Variants in PTPRN2 observed in about 807,000 individuals in gnomAD.
The protein encoded by PTPRN2 is receptor-type tyrosine-protein phosphatase N2.
PTPRN2 carries 74 observed loss-of-function variants against 118.8 expected under a neutral mutation model. The ratio of observed to expected loss-of-function variants is 0.62; its 90% CI spans 0.52 to 0.76. PTPRN2 has a LOEUF of 0.76. Ranked by LOEUF, PTPRN2 falls within the 30% of genes least tolerant of loss-of-function variation. The pLI is 0.00. For missense variants in PTPRN2, 1,481 were observed against 1,394.4 expected, an observed-to-expected ratio of 1.06 and a Z score of -0.99; for synonymous variants, 641 against 608.0, an observed-to-expected ratio of 1.05 and a Z score of -0.80.
intron 2 of PTPRN2, among the ~76,000 whole-genome samples, chr7:158,330,816 A>G (rs141636418): frequency 1.4e-3 from 94 of 66,194 alleles, no homozygotes; most frequent in African/African-American, 3.2e-3. Flanking sequence ...AAGAGCTGAC[A>G]CCCGCAGACG....
intron 11 of PTPRN2, among the ~76,000 whole-genome samples, chr7:158,063,223 T>C (rs889230599): frequency 5.3e-5 from 8 of 152,130 alleles, no homozygotes; most frequent in African/African-American, 7.2e-5. Context: ...AGAACATTTA[T>C]GTCTAGCTAA....
chr7:157,982,005 CAAGGAGGGGAATGCA>C (rs1803204512), intron 11 of PTPRN2, among the ~76,000 whole-genome samples: 2 of 141,502 alleles, frequency 1.4e-5, no homozygotes, highest in Admixed American at 7.2e-5. Context: ...GTCATAGAGA[CAAGGAGGGGAATGCA>C]GAGTGTGGGG....
chr7:157,853,274 C>A (rs1220166395), intron 12 of PTPRN2, among the ~76,000 whole-genome samples: 1 of 152,174 alleles, frequency 6.6e-6, no homozygotes, highest in Non-Finnish European at 1.5e-5. Context: ...GACGGCCGAG[C>A]CGGGCCTGCA....
rs1338820907 is a variant in PTPRN2, at chr7:158,563,628, T to C, written c.112+23930A>G. On this transcript the variant is annotated intron_variant, in intron 1 of 22. Transcript: ENST00000389418. The surrounding 1 kb of genome is among the most constrained non-coding windows in gnomAD (Gnocchi z 5.1). ...TCCTGCAGCTCTCGCCGGGGACATCTGAACATCCTTGTTAGCTCAGGGCAC... is the reference window on the plus strand; with the variant it reads ...TCCTGCAGCTCTCGCCGGGGACATCCGAACATCCTTGTTAGCTCAGGGCAC... Among the ~76,000 whole-genome samples, 1 of 152,250 alleles carries C rather than the reference T, an allele frequency of 6.6e-6. No homozygotes were observed. The highest frequency in any genetic ancestry group is 1.9e-4 in the East Asian group (1 of 5,198).
In PTPRN2 at chr7:157,609,310, G is replaced by T. The variant is rs1193484712; in HGVS notation, c.2345-5235C>A. 1.3e-5 allele frequency among the ~76,000 whole-genome samples: 2 copies of T among 152,204 alleles called. No homozygotes were observed. Among genetic ancestry groups the T allele is most frequent in the African/African-American group, 4.8e-5 (2 of 41,446 alleles). ...AGGCAGGAGAATTGCTTGAACCCGG[G>T]AGGCAGAGGTTGCAGTGAGCTGAGA... On this transcript the variant is annotated intron_variant, in intron 15 of 22. Coordinates refer to ENST00000389418, the MANE Select transcript of PTPRN2 (RefSeq NM_002847.5). The surrounding 1 kb of genome is among the most constrained non-coding windows in gnomAD (Gnocchi z 4.9).
chr7:157,705,629 C>T (rs1033094327), intron 12 of PTPRN2, among the ~76,000 whole-genome samples: 2 of 151,056 alleles, frequency 1.3e-5, no homozygotes, highest in African/African-American at 4.9e-5. Flanking sequence ...GTGAATCTGA[C>T]CTCAGTGCCT....
At chr7:158,420,003 T>C (rs567060498) in intron 2 of PTPRN2, among the ~76,000 whole-genome samples, 2 of 152,162 alleles carry the variant, frequency 1.3e-5, no homozygotes, top group Admixed American at 6.5e-5. Context: ...AACTCTGTCA[T>C]GTTGGCCACT....
intron 12 of PTPRN2, among the ~76,000 whole-genome samples, chr7:157,804,183 T>C (rs1227246520): frequency 6.6e-6 from 1 of 152,214 alleles, no homozygotes; most frequent in African/African-American, 2.4e-5. Context: ...TGGAGGGGCC[T>C]GTTTACCCAA....
intron 9 of PTPRN2, among the ~76,000 whole-genome samples, chr7:158,132,969 C>G (rs1818496214): frequency 6.6e-6 from 1 of 152,220 alleles, no homozygotes; most frequent in African/African-American, 2.4e-5. Flanking sequence ...AAACACAACA[C>G]TTGTACAAAG....
At chr7:158,488,773 C>T (rs1821215319) in intron 2 of PTPRN2, among the ~76,000 whole-genome samples, 1 of 152,268 alleles carries the variant, frequency 6.6e-6, no homozygotes, top group Admixed American at 6.5e-5. Context: ...CCGCTCCTGC[C>T]CACAGTCTGA....
intron 6 of PTPRN2, among the ~76,000 whole-genome samples, chr7:158,146,653 G>A (rs142521641): frequency 0.068 from 10,141 of 148,682 alleles, 528 homozygotes; most frequent in South Asian, 0.13. Flanking sequence ...CCCAGGAGGC[G>A]GAGCTAGTAG....
At chr7:158,404,909 C>T (rs1411949768) in intron 2 of PTPRN2, among the ~76,000 whole-genome samples, 10 of 141,340 alleles carry the variant, frequency 7.1e-5, no homozygotes, top group Non-Finnish European at 1.4e-4. Context: ...CTCCCCGGCC[C>T]CAGCTCCCTG....
At chr7:158,538,295 G>A (rs923045910) in intron 1 of PTPRN2, among the ~76,000 whole-genome samples, 9 of 152,200 alleles carry the variant, frequency 5.9e-5, no homozygotes, top group Non-Finnish European at 1.2e-4. Context: ...CTGCTCGTCC[G>A]GTGACTGGCG....
chr7:157,698,855 A>G (rs2150858491), intron 12 of PTPRN2, among the ~76,000 whole-genome samples: 1 of 152,356 alleles, frequency 6.6e-6, no homozygotes, highest in Non-Finnish European at 1.5e-5. Flanking sequence ...TTTCATAACT[A>G]GATTATATTC....
At chr7:158,129,127 GCACACCACACACTACACACATACACTA>G (rs1413425755) in intron 9 of PTPRN2, among the ~76,000 whole-genome samples, 9 of 146,098 alleles carry the variant, frequency 6.2e-5, no homozygotes, top group Non-Finnish European at 1.4e-4. Flanking sequence ...AAACCACACA[GCACACCACACACTACACACATACACTA>G]CACACCACAC....
intron 19 of PTPRN2, among the ~76,000 whole-genome samples, chr7:157,572,751 C>T (rs1417195970): frequency 2.0e-5 from 3 of 152,224 alleles, no homozygotes; most frequent in East Asian, 1.9e-4. Flanking sequence ...GCAGATGGGC[C>T]GCGGCCACAG....
intron 14 of PTPRN2, among the ~76,000 whole-genome samples, chr7:157,628,943 G>C (rs570067503): frequency 1.6e-4 from 24 of 152,206 alleles, no homozygotes; most frequent in African/African-American, 5.8e-4. Context: ...GGAAATCCTA[G>C]GAAATGCCTG....
intron 13 of PTPRN2, among the ~76,000 whole-genome samples, chr7:157,656,859 CAT>C (rs1491027528): frequency 5.3e-5 from 3 of 56,508 alleles, no homozygotes; most frequent in Admixed American, 2.1e-4. Context: ...CACACACACA[CAT>C]CACACATATA....
chr7:158,262,818 A>C (rs1797572225), intron 3 of PTPRN2, among the ~76,000 whole-genome samples: 1 of 143,054 alleles, frequency 7.0e-6, no homozygotes, highest in Non-Finnish European at 1.5e-5. Context: ...ACACATTCAC[A>C]CTGCACACAT....
Sources: allele counts gnomAD v4.1 joint callset (sites outside exome capture counted in the v4.1 genomes callset), GRCh38; gene constraint gnomAD v4.1.1; non-coding constraint Gnocchi (gnomAD v3.1); transcripts MANE v1.5; gene names NCBI Gene and HGNC (gene_info 2026-07-23, HGNC 2026-07-21).